The following PCDHGA9 variants were observed in gnomAD, a reference collection of about 807,000 sequenced individuals.
PCDHGA9 encodes protocadherin gamma-A9.
In PCDHGA9, 37 loss-of-function variants were observed where a neutral mutation model predicts 62.5. The observed-to-expected ratio is 0.59, with a 90% CI of 0.46 to 0.78. The LOEUF is 0.78. Ranked by LOEUF, PCDHGA9 falls within the 30% of genes least tolerant of loss-of-function variation. PCDHGA9 has a pLI of 0.00. For synonymous variants in PCDHGA9, 459 were observed against 484.6 expected (o/e 0.95, Z 0.69); for missense variants, 1,138 against 1,166.2 (o/e 0.98, Z 0.35).
intron 2 of PCDHGA9, among the ~76,000 whole-genome samples, chr5:141,498,710 T>C (rs2099785302): frequency 1.3e-5 from 2 of 152,108 alleles, no homozygotes. Flanking sequence ...GGTGGGTGGA[T>C]CACCTGAGGT....
chr5:141,408,526 T>C, intron 1 of PCDHGA9: 3 of 1,614,028 alleles, frequency 1.9e-6, no homozygotes, highest in Non-Finnish European at 2.5e-6. Flanking sequence ...AATTGGAAGC[T>C]GTGGTGGAAA....
intron 1 of PCDHGA9, chr5:141,427,552 C>T (rs1233231671): frequency 1.5e-6 from 1 of 645,244 alleles, no homozygotes; most frequent in South Asian, 1.5e-5. Context: ...ATCACTGCCA[C>T]TGACAAGGGC....
intron 1 of PCDHGA9, among the ~76,000 whole-genome samples, chr5:141,438,397 C>A (rs950830331): frequency 6.6e-6 from 1 of 151,624 alleles, no homozygotes. Context: ...TCATCATTAA[C>A]TCTCTGAAGT....
intron 3 of PCDHGA9, among the ~76,000 whole-genome samples, chr5:141,506,146 T>C (rs1014881418): frequency 6.6e-6 from 1 of 152,086 alleles, no homozygotes; most frequent in African/African-American, 2.4e-5. Context: ...AAGAATATCA[T>C]TTGTCCTTAA....
chr5:141,505,210 A>G (rs899138393), intron 2 of PCDHGA9, among the ~76,000 whole-genome samples, 183 bp from the exon 3 acceptor site: 3 of 152,192 alleles, frequency 2.0e-5, no homozygotes, highest in African/African-American at 7.2e-5. Flanking sequence ...GGTTTGAGGG[A>G]CTGACTTGTG....
In PCDHGA9 at chr5:141,404,071, C is replaced by T; in HGVS notation, c.1119C>T (p.Asp373=). Residue 373 remains aspartate (D), a synonymous_variant, in exon 1 of 4, where the codon GAC becomes GAT. Coordinates refer to ENST00000573521, the MANE Select transcript of PCDHGA9 (RefSeq NM_018921.3). ...GTVILLFNAH[D]RDSGKNGQVV... is the part of the protein sequence containing the mutation. ...TAATTCTTCTTTTCAATGCTCATGA[C>T]CGAGACTCCGGGAAGAATGGTCAAG... 2 of 1,613,734 alleles carry T rather than the reference C, an allele frequency of 1.2e-6. No homozygotes were observed. The highest frequency in any genetic ancestry group is 1.7e-6 in the Non-Finnish European group (2 of 1,179,694).
chr5:141,436,048 T>G (rs553708148), intron 1 of PCDHGA9, among the ~76,000 whole-genome samples: 1 of 152,316 alleles, frequency 6.6e-6, no homozygotes, highest in South Asian at 2.1e-4. Context: ...TACATTAGTT[T>G]TCAAATAGAA....
intron 1 of PCDHGA9, among the ~76,000 whole-genome samples, chr5:141,472,445 C>T (rs2099280467): frequency 6.6e-6 from 1 of 151,956 alleles, no homozygotes; most frequent in Non-Finnish European, 1.5e-5. Flanking sequence ...GAGGCTGAGG[C>T]AGGAGAATCG....
Position 141,476,242 on chromosome 5 carries a change from G to T in PCDHGA9, c.2425-18565G>T. ...ACTATGAGATCCCGGAGGAAAGAGA[G>T]AAGGGTTTCGCTGTGGGCAACGTGG... is the stretch of plus-strand genomic sequence containing the variant. On this transcript the variant is annotated intron_variant, in intron 1 of 3. Coordinates refer to ENST00000573521, the MANE Select transcript of PCDHGA9 (RefSeq NM_018921.3). The surrounding 1 kb of genome is among the most constrained non-coding windows in gnomAD (Gnocchi z 7.6). 6.2e-7 allele frequency: 1 copy of T among 1,614,100 alleles called. No individual in the cohort carries two copies.
chr5:141,460,791 C>A (rs2098997892), intron 1 of PCDHGA9, among the ~76,000 whole-genome samples: 1 of 151,666 alleles, frequency 6.6e-6, no homozygotes, highest in Non-Finnish European at 1.5e-5. Context: ...TATATACACA[C>A]AAAGTATATA....
chr5:141,436,207 A>G (rs544201723), intron 1 of PCDHGA9, among the ~76,000 whole-genome samples: 67 of 152,260 alleles, frequency 4.4e-4, no homozygotes, highest in Non-Finnish European at 7.9e-4. Flanking sequence ...ACATAATAGG[A>G]AAACAAATGA....
At position 141,489,985 on chromosome 5, in the gene PCDHGA9, G is replaced by A. The variant is rs761481986; in HGVS notation, c.2425-4822G>A. ...AACCTTCCAATCCTCAGTTCTACGT[G>A]TGGGAATCCCAGAGAATGCACCCAT... On this transcript the variant is annotated intron_variant, in intron 1 of 3. Transcript: ENST00000573521. The surrounding 1 kb of genome is among the most constrained non-coding windows in gnomAD (Gnocchi z 4.5). The A allele has an allele frequency of 1.2e-6, 2 of 1,614,094 alleles. No homozygotes were observed. Among genetic ancestry groups the A allele is most frequent in the African/African-American group, 2.7e-5 (2 of 74,946 alleles).
chr5:141,424,203 GC>G (rs777832241), intron 1 of PCDHGA9: 3 of 175,740 alleles, frequency 1.7e-5, no homozygotes, highest in Non-Finnish European at 3.6e-5. Flanking sequence ...ATACACGTAA[GC>G]TTTTCTCTGA....
Position 141,491,652 on chromosome 5 carries a change from G to T in PCDHGA9, c.2425-3155G>T. ...AGCAGCCCACAGCTCTGGCGCTGGA[G>T]CCTGACGCCATCCGGTCCCGCTCTA... On this transcript the variant is annotated intron_variant, in intron 1 of 3. Transcript: ENST00000573521. The surrounding 1 kb of genome is among the most constrained non-coding windows in gnomAD (Gnocchi z 6.9). The T allele has an allele frequency of 6.2e-7, 1 of 1,613,844 alleles. No homozygotes were observed.
chr5:141,511,419 G>A lies in PCDHGA9; in HGVS notation c.*246G>A, dbSNP rs1437533706. On this transcript the variant is annotated 3_prime_UTR_variant, in exon 4 of 4. Coordinates refer to ENST00000573521, the MANE Select transcript of PCDHGA9 (RefSeq NM_018921.3). Reference sequence around the variant, plus strand: ...ATCCAATCAACTGCTGTACCCATGGGGGTAGTGGGGTTACTGTAGACACCA... The same window carrying A: ...ATCCAATCAACTGCTGTACCCATGGAGGTAGTGGGGTTACTGTAGACACCA... 1.2e-6 allele frequency: 1 copy of A among 830,454 alleles called. No individual in the cohort carries two copies. The highest frequency in any genetic ancestry group is 1.7e-5 in the African/African-American group (1 of 58,076). 51.4% of individuals were successfully genotyped at this position (830,454 alleles called of 1,614,324 possible).
intron 1 of PCDHGA9, among the ~76,000 whole-genome samples, chr5:141,449,714 A>G (rs1188830159): frequency 2.6e-5 from 4 of 151,334 alleles, no homozygotes; most frequent in African/African-American, 7.3e-5. Flanking sequence ...CATTATTTTT[A>G]TATGATATGA....
intron 1 of PCDHGA9, chr5:141,426,833 G>T: frequency 2.2e-6 from 1 of 456,680 alleles, no homozygotes; most frequent in Non-Finnish European, 4.4e-6. Flanking sequence ...TGATGGACAA[G>T]ACTAAAGGCA....
At chr5:141,484,950 T>G in intron 1 of PCDHGA9, 1 of 561,950 alleles carries the variant, frequency 1.8e-6, no homozygotes, top group Non-Finnish European at 3.2e-6. Context: ...GCTCAGCCTA[T>G]TGGCTGAGCC....
rs185995562 is a variant in PCDHGA9 at position 141,410,475 on chromosome 5, A to T, written c.2424+5099A>T. 63 of 1,614,052 alleles carry T rather than the reference A, an allele frequency of 3.9e-5. No individual in the cohort carries two copies. The highest frequency in any genetic ancestry group is 3.3e-4 in the Middle Eastern group (2 of 6,062). ...TATTCTTATAATCTGTGCATTGCAC[A>T]TACGGGTACAAAAGAGTTTAATTTC... On this transcript the variant is annotated intron_variant, in intron 1 of 3. Transcript: ENST00000573521.
Sources: gnomAD v4.1 joint callset for allele counts (sites outside exome capture counted in the v4.1 genomes callset) on GRCh38, gnomAD v4.1.1 for gene constraint, Gnocchi (gnomAD v3.1) non-coding constraint, MANE v1.5 for transcripts, NCBI Gene and HGNC (gene_info 2026-07-23, HGNC 2026-07-21) for gene names.